Variants in KALRN observed in about 807,000 individuals in gnomAD.
KALRN encodes the protein kalirin RhoGEF kinase.
Under a neutral mutation model 353.7 loss-of-function variants are expected in KALRN, and 70 were observed. The ratio of observed to expected loss-of-function variants is 0.20; its 90% CI spans 0.16 to 0.24. The LOEUF (loss-of-function observed/expected upper bound fraction) is 0.24, where lower values mean the gene tolerates loss of function less well. KALRN is among the 10% of genes least tolerant of loss of function. The pLI, the probability that KALRN is intolerant of heterozygous loss-of-function variation, is 1.00. For missense variants in KALRN, 2,791 were observed against 3,756.7 expected, an observed-to-expected ratio of 0.74 and a Z score of 6.72; for synonymous variants, 1,391 against 1,434.8, an observed-to-expected ratio of 0.97 and a Z score of 0.69.
chr3:124,140,275 C>G (rs567989083), intron 1 of KALRN, among the ~76,000 whole-genome samples: 1 of 152,320 alleles, frequency 6.6e-6, no homozygotes, highest in Admixed American at 6.5e-5. Context: ...CGGCTGGTAA[C>G]AACTCACTAA....
chr3:124,223,220 G>A (rs1007290732), intron 1 of KALRN, among the ~76,000 whole-genome samples: 3 of 151,934 alleles, frequency 2.0e-5, no homozygotes, highest in Non-Finnish European at 4.4e-5. Context: ...ATATGGCCTG[G>A]CCCATAGTAA....
At chr3:124,111,226 A>G (rs1369706322) in intron 1 of KALRN, among the ~76,000 whole-genome samples, 2 of 152,326 alleles carry the variant, frequency 1.3e-5, no homozygotes, top group South Asian at 2.1e-4. Context: ...GATAGTCCCA[A>G]GATGGCTGCC....
intron 49 of KALRN, among the ~76,000 whole-genome samples, chr3:124,676,016 C>T (rs1194232648): frequency 1.3e-5 from 2 of 151,974 alleles, no homozygotes; most frequent in Non-Finnish European, 2.9e-5. Flanking sequence ...CCTAAGTATA[C>T]TTGTTTTGGG....
At chr3:124,527,313 A>G (rs371046393) in intron 33 of KALRN, among the ~76,000 whole-genome samples, 2 of 152,164 alleles carry the variant, frequency 1.3e-5, no homozygotes, top group Admixed American at 1.3e-4. Flanking sequence ...ACTTCCCACA[A>G]AAAGCATGAA....
intron 30 of KALRN, 49 bp downstream of exon 30, chr3:124,490,933 C>T (rs190307331): frequency 2.0e-6 from 3 of 1,527,434 alleles, no homozygotes; most frequent in Non-Finnish European, 2.7e-6. Flanking sequence ...TTCATAGAAC[C>T]CATGGGCAGG....
At chr3:124,593,410 A>G (rs1195537011) in intron 34 of KALRN, among the ~76,000 whole-genome samples, 1 of 152,014 alleles carries the variant, frequency 6.6e-6, no homozygotes, top group Non-Finnish European at 1.5e-5. Flanking sequence ...TCACCCCACA[A>G]CTGAGGGATG....
At chr3:124,691,204 G>A (rs6770949) in intron 51 of KALRN, among the ~76,000 whole-genome samples, 24,760 of 152,144 alleles carry the variant, frequency 0.16, 2,425 homozygotes, top group Middle Eastern at 0.22. Flanking sequence ...CGAGGCAGGC[G>A]GATCACCTGA....
intron 6 of KALRN, among the ~76,000 whole-genome samples, chr3:124,318,747 A>G (rs1054363919): frequency 5.9e-5 from 9 of 152,186 alleles, no homozygotes; most frequent in African/African-American, 2.2e-4. Flanking sequence ...TAAAAACTTA[A>G]GTTAATATAA....
At chr3:124,445,173 C>T (rs1350506092) in intron 19 of KALRN, among the ~76,000 whole-genome samples, 1 of 152,116 alleles carries the variant, frequency 6.6e-6, no homozygotes, top group Admixed American at 6.5e-5. Flanking sequence ...TTCTCTAAAC[C>T]TCAGTTTTCT....
chr3:124,280,747 C>A (rs976087880), intron 5 of KALRN, among the ~76,000 whole-genome samples: 3 of 152,118 alleles, frequency 2.0e-5, no homozygotes, highest in African/African-American at 7.2e-5. Context: ...TATATAAATA[C>A]AGGAGGATGT....
chr3:124,480,354 T>G (rs2061860871), intron 27 of KALRN, among the ~76,000 whole-genome samples: 1 of 152,206 alleles, frequency 6.6e-6, no homozygotes, highest in Non-Finnish European at 1.5e-5. Context: ...CTGATAGGCA[T>G]TGGAATAATT....
At chr3:124,638,180 A>G (rs1471304770) in intron 37 of KALRN, among the ~76,000 whole-genome samples, 1 of 152,192 alleles carries the variant, frequency 6.6e-6, no homozygotes, top group Non-Finnish European at 1.5e-5. Context: ...CACTTGGCCC[A>G]GGAGCTAGAG....
chr3:124,386,049 A>G (rs1376152170), intron 11 of KALRN, among the ~76,000 whole-genome samples: 2 of 152,180 alleles, frequency 1.3e-5, no homozygotes, highest in African/African-American at 4.8e-5. Flanking sequence ...CTTTTCTGAC[A>G]CTGAGGGAAT....
intron 56 of KALRN, among the ~76,000 whole-genome samples, chr3:124,700,517 G>T (rs1179101928): frequency 1.3e-5 from 2 of 152,068 alleles, no homozygotes; most frequent in Non-Finnish European, 2.9e-5. Context: ...TTCAACATGG[G>T]TATAATTTTA....
rs1379220795 is a variant in KALRN, at chr3:124,439,226, ACACACACACACG to A, written c.3198+192_3198+203del. ...CACACACACACACACACACACACAC[ACACACACACACG>A]CAGCTTCAAACATGCTTCCCAGCCC... On this transcript the variant is annotated intron_variant, in intron 18 of 59. Coordinates refer to ENST00000682506, the MANE Select transcript of KALRN (RefSeq NM_001388419.1). Among the ~76,000 whole-genome samples, 14 of 151,182 alleles carry A rather than the reference ACACACACACACG, an allele frequency of 9.3e-5. No individual in the cohort carries two copies. The East Asian group carries it at 2.3e-3, about 25-fold the overall frequency.
At chr3:124,490,178 A>G (rs1429938966) in intron 29 of KALRN, among the ~76,000 whole-genome samples, 1 of 152,180 alleles carries the variant, frequency 6.6e-6, no homozygotes, top group Non-Finnish European at 1.5e-5. Flanking sequence ...GGATCACTTG[A>G]ACCTGGGAGT....
Position 124,431,843 on chromosome 3 carries a change from G to A in KALRN, c.2829+1068G>A, listed in dbSNP as rs73187357. Among the ~76,000 whole-genome samples the A allele has an allele frequency of 7.7e-3, 1,169 of 152,132 alleles. 9 individuals are homozygous for A. Among genetic ancestry groups the A allele is most frequent in the Non-Finnish European group, 0.013 (905 of 68,006 alleles). ...ATTGATTGCAACCATTTAATTTCCC[G>A]GAAACCATCTTGGATGTATAAACAG... On this transcript the variant is annotated intron_variant, in intron 16 of 59. Coordinates refer to ENST00000682506, the MANE Select transcript of KALRN (RefSeq NM_001388419.1).
chr3:124,657,645 G>T (rs1365278350), intron 40 of KALRN, 89 bp from the exon 41 acceptor site: 9 of 1,363,604 alleles, frequency 6.6e-6, no homozygotes, highest in Non-Finnish European at 7.3e-6. Context: ...GGGCTTAGGG[G>T]AGAGTCTTCT....
intron 29 of KALRN, among the ~76,000 whole-genome samples, chr3:124,490,028 A>T (rs944064821): frequency 2.6e-5 from 4 of 152,194 alleles, no homozygotes; most frequent in African/African-American, 9.6e-5. Context: ...ACACTTTGGG[A>T]GGCCAAGGTG....
Sources: allele counts gnomAD v4.1 joint callset (sites outside exome capture counted in the v4.1 genomes callset), GRCh38; gene constraint gnomAD v4.1.1; transcripts MANE v1.5; gene names NCBI Gene and HGNC (gene_info 2026-07-23, HGNC 2026-07-21).